TRMT44: variants seen among roughly 807,000 people sequenced by gnomAD.
The protein encoded by TRMT44 is tRNA methyltransferase 44 homolog, also known as probable tRNA (uracil-O(2)-)-methyltransferase.
A neutral mutation model predicts 77.3 loss-of-function variants in TRMT44; 78 were observed. The observed-to-expected ratio is 1.01, with a 90% confidence interval of 0.84 to 1.22. The LOEUF is 1.22. Ranked by LOEUF, TRMT44 falls within the 50% of genes most tolerant of loss-of-function variation. TRMT44 has a pLI of 0.00. For synonymous variants in TRMT44, 391 were observed against 383.3 expected (o/e 1.02, Z -0.23); for missense variants, 1,090 against 964.4 (o/e 1.13, Z -1.73).
At chr4:8,446,000 G>A (rs116645990) in intron 1 of TRMT44, among the ~76,000 whole-genome samples, 1,648 of 152,270 alleles carry the variant, frequency 0.011, 34 homozygotes, top group African/African-American at 0.038. Flanking sequence ...TGTGAAGTCC[G>A]TACATGCAGC....
At chr4:8,514,025 AC>A in the TRMT44 span, among the ~76,000 whole-genome samples, 4 of 152,104 alleles carry the variant, frequency 2.6e-5, no homozygotes, top group Non-Finnish European at 5.9e-5. Context: ...TCCTGGCGAA[AC>A]CCCCAACTGA....
chr4:8,449,814 C>CTT lies in TRMT44; in HGVS notation c.882_883dup (p.Ser295PhefsTer7). The stretch of plus-strand genomic sequence containing the variant: ...CAAGAAGAGTGACTTTAAAAGCACC[C>CTT]TTTCCCTCATCTCCATTATGAAGTA... On this transcript the variant is annotated frameshift_variant, in exon 3 of 11. Coordinates refer to ENST00000389737, the MANE Select transcript of TRMT44 (RefSeq NM_152544.3). LOFTEE classifies it high-confidence loss of function. 6.5e-7 allele frequency: 1 copy of CTT among 1,535,986 alleles called. No individual in the cohort carries two copies. Among genetic ancestry groups the CTT allele is most frequent in the East Asian group, 2.4e-5 (1 of 40,908 alleles).
Position 8,457,646 on chromosome 4 carries a change from T to C in TRMT44, c.1203+2833T>C, listed in dbSNP as rs373214707. Among the ~76,000 whole-genome samples, 24 of 152,354 alleles carry C rather than the reference T, an allele frequency of 1.6e-4. No individual in the cohort carries two copies. In the East Asian group the frequency reaches 2.9e-3, roughly 18 times the overall value. ...GAAAATCCTGCAAGGATTTTACCAT[T>C]GAAGACACCGTCATTGCTACAGAAA... On this transcript the variant is annotated intron_variant, in intron 6 of 10. Transcript: ENST00000389737.
Position 8,444,434 on chromosome 4 carries a change from G to A in TRMT44, c.620-2042G>A, listed in dbSNP as rs1168689645. Among the ~76,000 whole-genome samples, 1 of 148,176 alleles carries A rather than the reference G, an allele frequency of 6.7e-6. No homozygotes were observed. Among genetic ancestry groups the A allele is most frequent in the African/African-American group, 2.5e-5 (1 of 40,000 alleles). On this transcript the variant is annotated intron_variant, in intron 1 of 10. Coordinates refer to ENST00000389737, the MANE Select transcript of TRMT44 (RefSeq NM_152544.3). The surrounding 1 kb of genome is among the most constrained non-coding windows in gnomAD (Gnocchi z 4.0). ...TTTTTTTTGAGAGTAGTCTCGCTCT[G>A]TGGCCCAGGCTAGAGTGCAGTGGTG...
At chr4:8,467,382 C>T (rs979485223) in intron 8 of TRMT44, among the ~76,000 whole-genome samples, 1 of 152,136 alleles carries the variant, frequency 6.6e-6, no homozygotes, top group Non-Finnish European at 1.5e-5. Context: ...TGTGAAGGTC[C>T]AAGATCTAAC....
intron 6 of TRMT44, among the ~76,000 whole-genome samples, chr4:8,455,688 T>C (rs1420339325): frequency 6.6e-6 from 1 of 152,216 alleles, no homozygotes; most frequent in Non-Finnish European, 1.5e-5. Context: ...TAACATCCCA[T>C]TCTAGGCATT....
intron 8 of TRMT44, among the ~76,000 whole-genome samples, chr4:8,466,528 T>C (rs1726559840): frequency 6.6e-6 from 1 of 152,262 alleles, no homozygotes; most frequent in Non-Finnish European, 1.5e-5. Flanking sequence ...CCGCTGGCGC[T>C]GTCACTGCCC....
At chr4:8,475,383 CAAT>C (rs1460245989) in intron 10 of TRMT44, among the ~76,000 whole-genome samples, 2 of 152,214 alleles carry the variant, frequency 1.3e-5, no homozygotes, top group South Asian at 2.1e-4. Flanking sequence ...TCGGTGGCCT[CAAT>C]GATGAGGCCA....
At chr4:8,479,888 GTTTT>G (rs913142532), downstream of TRMT44, among the ~76,000 whole-genome samples, 1 of 151,712 alleles carries the variant, frequency 6.6e-6, no homozygotes, top group Non-Finnish European at 1.5e-5. Context: ...TTTTTATTTT[GTTTT>G]TTTGAGACGG....
intron 7 of TRMT44, among the ~76,000 whole-genome samples, chr4:8,464,298 GACT>G (rs1236230894): frequency 6.6e-6 from 1 of 152,182 alleles, no homozygotes; most frequent in African/African-American, 2.4e-5. Flanking sequence ...TTTAAAATAT[GACT>G]ACTGGAAAAT....
At chr4:8,492,730 A>G (rs1426236956) in intron 2 of TRMT44, among the ~76,000 whole-genome samples, 1 of 152,330 alleles carries the variant, frequency 6.6e-6, no homozygotes. Context: ...ACTGAGATAG[A>G]TGCGTCTCTG....
chr4:8,509,170 A>G, the TRMT44 span: 1 of 151,564 alleles, frequency 6.6e-6, no homozygotes, highest in Non-Finnish European at 1.5e-5. Context: ...TGAAGGAACC[A>G]AAGAGATCCT....
chr4:8,466,874 C>T (rs748456224), intron 8 of TRMT44, among the ~76,000 whole-genome samples: 1 of 152,190 alleles, frequency 6.6e-6, no homozygotes, highest in Non-Finnish European at 1.5e-5. Context: ...CTGGTGGGGA[C>T]TGGGTGTGTG....
At chr4:8,477,091 A>G (rs560888685), downstream of TRMT44, 5 of 152,370 alleles carry the variant, frequency 3.3e-5, no homozygotes, top group South Asian at 1.0e-3. Context: ...AAAAGGTCAC[A>G]TGCAGTCCAC....
At chr4:8,482,655 C>G (rs1203411925) in intron 2 of TRMT44, among the ~76,000 whole-genome samples, 2 of 152,108 alleles carry the variant, frequency 1.3e-5, no homozygotes, top group African/African-American at 2.4e-5. Context: ...AAAGGACTTT[C>G]ACAAGGTAAT....
At chr4:8,459,421 G>A (rs1314067971) in intron 6 of TRMT44, among the ~76,000 whole-genome samples, 1 of 152,164 alleles carries the variant, frequency 6.6e-6, no homozygotes, top group East Asian at 1.9e-4. Context: ...CCATTTTACA[G>A]GCGAGGAAAC....
In TRMT44 at chr4:8,449,675, A is replaced by G. The variant is rs1725297840; in HGVS notation, c.741A>G (p.Ile247Met). The change falls in exon 3 of 11, where the codon ATA (isoleucine) becomes ATG (methionine). Residue 247 changes from isoleucine to methionine, a missense_variant. Transcript: ENST00000389737. ...ATTTCTCTTATTTTTAAAGGTTCAT[A>G]TCTGTTTTAATTTTCTGTCCAGAAA... Reference protein sequence around the residue: ...QLSHSKEEWFISVLIFCPERW... With the variant: ...QLSHSKEEWFMSVLIFCPERW... 3.9e-6 allele frequency: 6 copies of G among 1,534,668 alleles called. No homozygotes were observed. The highest frequency in any genetic ancestry group is 5.2e-6 in the Non-Finnish European group (6 of 1,145,680).
At chr4:8,465,695 CCT>C in intron 8 of TRMT44, 134 bp downstream of exon 8, 2 of 790,940 alleles carry the variant, frequency 2.5e-6, no homozygotes, top group Non-Finnish European at 3.9e-6. Context: ...GATTTCTGTG[CCT>C]CTGTCACTGA....
At position 8,441,403 on chromosome 4, in the gene TRMT44, G is replaced by T; in HGVS notation, c.581G>T (p.Cys194Phe). The change falls in exon 1 of 11, where the codon TGC becomes TTC. Residue 194 changes from cysteine to phenylalanine, a missense_variant. Transcript: ENST00000389737. ...GTCATCCCGAAAACTAGCCCACATT[G>T]CCCCCTTACAACTCCCAGGAGGGAA... ...RTVIPKTSPH[C>F]PLTTPRREIV... The T allele has an allele frequency of 2.0e-6, 3 of 1,527,316 alleles. No homozygotes were observed. The highest frequency in any genetic ancestry group is 2.0e-5 in the Admixed American group (1 of 50,724). The allele number at this position is 1,527,316 out of a possible 1,614,324, so 94.6% of individuals were successfully genotyped here.
Sources: gnomAD v4.1 joint callset for allele counts (sites outside exome capture counted in the v4.1 genomes callset) on GRCh38, gnomAD v4.1.1 for gene constraint, Gnocchi (gnomAD v3.1) non-coding constraint, MANE v1.5 for transcripts, NCBI Gene and HGNC (gene_info 2026-07-23, HGNC 2026-07-21) for gene names.